Variants in PGPEP1 observed in about 807,000 individuals in gnomAD.
PGPEP1 encodes pyroglutamyl-peptidase 1.
Under a neutral mutation model 24.1 loss-of-function variants are expected in PGPEP1, and 15 were observed. That is an observed-to-expected ratio of 0.62 (90% CI 0.42 to 0.96). The LOEUF (loss-of-function observed/expected upper bound fraction) is 0.96, where lower values mean the gene tolerates loss of function less well. PGPEP1 is among the 40% of genes least tolerant of loss of function. The probability of loss-of-function intolerance (pLI) is 0.00; values close to 1 mark genes in which losing one functional copy is unlikely to be tolerated. For missense variants in PGPEP1, 242 were observed against 273.4 expected, an observed-to-expected ratio of 0.89 and a Z score of 0.81; for synonymous variants, 122 against 116.4, an observed-to-expected ratio of 1.05 and a Z score of -0.31.
chr19:18,363,033 T>TGTGTGTG (rs1971390850), intron 4 of PGPEP1, among the ~76,000 whole-genome samples: 9 of 136,788 alleles, frequency 6.6e-5, no homozygotes, highest in Non-Finnish European at 9.3e-5. Context: ...TTTTTTTTGT[T>TGTGTGTG]TGTGTGTGTG....
intron 2 of PGPEP1, among the ~76,000 whole-genome samples, chr19:18,347,833 C>G (rs1373633389): frequency 6.6e-6 from 1 of 151,940 alleles, no homozygotes; most frequent in Admixed American, 6.6e-5. Context: ...GGGGTTTCAC[C>G]ATATTGGTCA....
Position 18,342,910 on chromosome 19 carries a change from A to C in PGPEP1, c.86A>C (p.Gln29Pro), listed in dbSNP as rs780422255. 12 of 1,612,416 alleles carry C rather than the reference A, an allele frequency of 7.4e-6. No individual in the cohort carries two copies. In the Admixed American group the frequency reaches 1.5e-4, roughly 20 times the overall value. The stretch of plus-strand genomic sequence containing the variant: ...GTGAACGCCAGTTGGATTGCAGTTC[A>C]GGTAACTTAGATCCGGAGGGTGGGA... ...HTVNASWIAV[Q>P]ELEKLGLGDS... The change falls in exon 2 of 5, where the codon CAG (glutamine) becomes CCG (proline). Residue 29 changes from glutamine (Q) to proline (P), a missense_variant and splice_region_variant. Coordinates refer to ENST00000269919, the MANE Select transcript of PGPEP1 (RefSeq NM_017712.4).
chr19:18,354,646 T>TA (rs1971127544), intron 2 of PGPEP1, among the ~76,000 whole-genome samples: 1 of 152,134 alleles, frequency 6.6e-6, no homozygotes, highest in Admixed American at 6.6e-5. Context: ...GCCTCCTGAA[T>TA]AGCTGGGACC....
At position 18,340,613 on chromosome 19, in the gene PGPEP1, G is replaced by GGCTGCAGCGGCAGCA; in HGVS notation, c.-64_-50dup. The GGCTGCAGCGGCAGCA allele has an allele frequency of 7.0e-7, 1 of 1,427,952 alleles. No homozygotes were observed. Among genetic ancestry groups the GGCTGCAGCGGCAGCA allele is most frequent in the Non-Finnish European group, 9.4e-7 (1 of 1,068,142 alleles). 88.5% of individuals were successfully genotyped at this position (1,427,952 alleles called of 1,614,324 possible). A position where few individuals can be genotyped will look rare whatever the true frequency, so the allele number is the denominator to read the frequency against. Reference sequence around the variant, plus strand: ...GGGGCGTGGCCTCGCGCGGCCGAGAGGCTGCAGCGGCAGCAGCTGTCGCGC... The same window carrying GGCTGCAGCGGCAGCA: ...GGGGCGTGGCCTCGCGCGGCCGAGAGGCTGCAGCGGCAGCAGCTGCAGCGGCAGCAGCTGTCGCGC... On this transcript the variant is annotated 5_prime_UTR_variant, in exon 1 of 5. Transcript: ENST00000269919.
Position 18,366,250 on chromosome 19 carries a change from A to C in PGPEP1, c.*2667A>C, listed in dbSNP as rs1378327677. On this transcript the variant is annotated 3_prime_UTR_variant, in exon 5 of 5. Transcript: ENST00000269919. ...GAGCTAAGCACCTGCCCCGGGCTCC[A>C]CACTTCCATCTTTCTTTTGTCTTCA... is the stretch of plus-strand genomic sequence containing the variant. The C allele has an allele frequency of 6.6e-6, 1 of 152,200 alleles. No individual in the cohort carries two copies. The highest frequency in any genetic ancestry group is 6.6e-5 in the Admixed American group (1 of 15,250). The allele number at this position is 152,200 out of a possible 1,614,324, so 9.4% of individuals were successfully genotyped here. A position where few individuals can be genotyped will look rare whatever the true frequency, so the allele number is the denominator to read the frequency against.
chr19:18,342,471 G>A (rs1334647302), intron 1 of PGPEP1, among the ~76,000 whole-genome samples: 1 of 152,184 alleles, frequency 6.6e-6, no homozygotes, highest in African/African-American at 2.4e-5. Flanking sequence ...AGCCTGGAGG[G>A]CTCATTCCTC....
At position 18,342,928 on chromosome 19, in the gene PGPEP1, G is replaced by A. The variant is rs770869637; in HGVS notation, c.87+17G>A. ...GCAGTTCAGGTAACTTAGATCCGGA[G>A]GGTGGGAGTCAGGCTTGGAGCTGGG... On this transcript the variant is annotated intron_variant, in intron 2 of 4. Transcript: ENST00000269919. 1.9e-6 allele frequency: 3 copies of A among 1,606,212 alleles called. No homozygotes were observed. Among genetic ancestry groups the A allele is most frequent in the Non-Finnish European group, 2.6e-6 (3 of 1,172,968 alleles).
chr19:18,368,275 T>C lies in PGPEP1; in HGVS notation c.*4692T>C, dbSNP rs1239900548. The C allele has an allele frequency of 6.6e-6, 1 of 151,746 alleles. No homozygotes were observed. Among genetic ancestry groups the C allele is most frequent in the Admixed American group, 6.6e-5 (1 of 15,212 alleles). 9.4% of individuals were successfully genotyped at this position (151,746 alleles called of 1,614,324 possible). A position where few individuals can be genotyped will look rare whatever the true frequency, so the allele number is the denominator to read the frequency against. On this transcript the variant is annotated 3_prime_UTR_variant, in exon 5 of 5. Coordinates refer to ENST00000269919, the MANE Select transcript of PGPEP1 (RefSeq NM_017712.4). ...CAACATAGCAAAACCCCATCTCTAC[T>C]AAAAATACAAAAATTAGTCAAGAGT...
chr19:18,352,010 G>A (rs12985624), intron 2 of PGPEP1, among the ~76,000 whole-genome samples: 87,883 of 151,394 alleles, frequency 0.58, 26,580 homozygotes, highest in Middle Eastern at 0.74. Context: ...GGTGGCTCAC[G>A]CCTGTAATCC....
At chr19:18,360,209 G>A (rs573811177) in intron 4 of PGPEP1, among the ~76,000 whole-genome samples, 10 of 151,896 alleles carry the variant, frequency 6.6e-5, no homozygotes, top group African/African-American at 2.4e-4. Flanking sequence ...TTGCTACATT[G>A]CCCAGGCAGG....
At chr19:18,359,304 A>T (rs1179355017) in intron 4 of PGPEP1, among the ~76,000 whole-genome samples, 1 of 152,048 alleles carries the variant, frequency 6.6e-6, no homozygotes, top group Non-Finnish European at 1.5e-5. Context: ...CCCATTGCAC[A>T]TAGAATAAAA....
Position 18,342,860 on chromosome 19 carries a change from A to C in PGPEP1, c.36A>C (p.Gly12=), listed in dbSNP as rs775888891. The stretch of plus-strand genomic sequence containing the variant: ...ATATTGCTTTTCCTGTTTTTTCAGG[A>C]TTTGGCCCTTTTGGGGAACACACCG... ...EQPRKAVVVT[G]FGPFGEHTVN... is the part of the protein sequence containing the mutation. Residue 12 remains glycine, a splice_region_variant and synonymous_variant, in exon 2 of 5, where the codon GGA becomes GGC. Transcript: ENST00000269919. 6.2e-7 allele frequency: 1 copy of C among 1,613,126 alleles called. No homozygotes were observed. The highest frequency in any genetic ancestry group is 2.2e-5 in the East Asian group (1 of 44,874).
In PGPEP1 at chr19:18,342,886, T is replaced by C. The variant is rs757743125; in HGVS notation, c.62T>C (p.Val21Ala). 2.5e-6 allele frequency: 4 copies of C among 1,613,824 alleles called. No homozygotes were observed. Among genetic ancestry groups the C allele is most frequent in the Non-Finnish European group, 3.4e-6 (4 of 1,179,852 alleles). ...TTTGGCCCTTTTGGGGAACACACCGTGAACGCCAGTTGGATTGCAGTTCAG... is the reference window on the plus strand; with the variant it reads ...TTTGGCCCTTTTGGGGAACACACCGCGAACGCCAGTTGGATTGCAGTTCAG... ...TGFGPFGEHT[V>A]NASWIAVQEL... The change falls in exon 2 of 5, where the codon GTG (valine) becomes GCG (alanine). Residue 21 changes from valine to alanine, a missense_variant. Val to Ala is a moderately conservative substitution (Grantham distance 64). Coordinates refer to ENST00000269919, the MANE Select transcript of PGPEP1 (RefSeq NM_017712.4).
In PGPEP1 at chr19:18,363,458, G is replaced by A. The variant is rs142770605; in HGVS notation, c.505G>A (p.Val169Met). 8.7e-6 allele frequency: 14 copies of A among 1,613,976 alleles called. No homozygotes were observed. Among genetic ancestry groups the A allele is most frequent in the African/African-American group, 1.3e-5 (1 of 74,918 alleles). The change falls in exon 5 of 5, where the codon GTG (valine) becomes ATG (methionine). Residue 169 changes from valine (V) to methionine (M), a missense_variant. Val to Met is a conservative substitution (Grantham distance 21). Coordinates refer to ENST00000269919, the MANE Select transcript of PGPEP1 (RefSeq NM_017712.4). ...QSHGRSAFVH[V>M]PPLGKPYNAD... ...TCACGGTCGATCAGCCTTCGTCCAC[G>A]TGCCCCCACTGGGGAAGCCGTACAA...
chr19:18,348,542 GC>G (rs1970928620), intron 2 of PGPEP1, among the ~76,000 whole-genome samples: 1 of 152,064 alleles, frequency 6.6e-6, no homozygotes, highest in African/African-American at 2.4e-5. Context: ...GGGGTGCCCT[GC>G]CCCCCTTCTC....
chr19:18,364,123 T>TCTTTCTTTCTTCCTTTCTTC lies in PGPEP1; in HGVS notation c.*547_*548insTCTTCCTTTCTTCCTTTCTT, dbSNP rs1568321189. The stretch of plus-strand genomic sequence containing the variant: ...TTCTTTCTTTCTTTCTTGCTTTCTT[T>TCTTTCTTTCTTCCTTTCTTC]CTTTCTTGCTTTCTTTCTTCTCTCT... On this transcript the variant is annotated 3_prime_UTR_variant, in exon 5 of 5. Coordinates refer to ENST00000269919, the MANE Select transcript of PGPEP1 (RefSeq NM_017712.4). 7.1e-6 allele frequency: 1 copy of TCTTTCTTTCTTCCTTTCTTC among 139,986 alleles called. No homozygotes were observed. Among genetic ancestry groups the TCTTTCTTTCTTCCTTTCTTC allele is most frequent in the African/African-American group, 2.9e-5 (1 of 34,774 alleles). The allele number at this position is 139,986 out of a possible 1,614,324, so 8.7% of individuals were successfully genotyped here.
At chr19:18,352,266 CAAAAAA>C (rs60299417) in intron 2 of PGPEP1, among the ~76,000 whole-genome samples, 3 of 43,666 alleles carry the variant, frequency 6.9e-5, no homozygotes, top group East Asian at 1.2e-3. Flanking sequence ...GACTCCGTCT[CAAAAAA>C]AAAAAAAAAA....
In PGPEP1 at chr19:18,364,079, G is replaced by GTTCTTTCTTTCTTTCTTT. The variant is rs1568320736; in HGVS notation, c.*496_*497insTTCTTTCTTTCTTTCTTT. 3.0e-4 allele frequency: 13 copies of GTTCTTTCTTTCTTTCTTT among 42,952 alleles called. 1 individual carries two copies. The South Asian group carries it at 8.7e-3, about 29-fold the overall frequency. 2.7% of individuals were successfully genotyped at this position (42,952 alleles called of 1,614,324 possible). A position where few individuals can be genotyped will look rare whatever the true frequency, so the allele number is the denominator to read the frequency against. On this transcript the variant is annotated 3_prime_UTR_variant, in exon 5 of 5. Coordinates refer to ENST00000269919, the MANE Select transcript of PGPEP1 (RefSeq NM_017712.4). The stretch of plus-strand genomic sequence containing the variant: ...GGCCACCCTGGGATATGGCTGGCTG[G>GTTCTTTCTTTCTTTCTTT]CTGGCTTTCTTTCTTTCTTTCTTTC...
chr19:18,363,067 G>GTGTGTGTGTGTGTGTT (rs747177888), intron 4 of PGPEP1, among the ~76,000 whole-genome samples: 18 of 146,746 alleles, frequency 1.2e-4, no homozygotes, highest in Non-Finnish European at 2.4e-4. Flanking sequence ...GTGTGTGTGT[G>GTGTGTGTGTGTGTGTT]TTTTAAAGAG....
Sources: gnomAD v4.1 joint callset for allele counts (sites outside exome capture counted in the v4.1 genomes callset) on GRCh38, gnomAD v4.1.1 for gene constraint, MANE v1.5 for transcripts, NCBI Gene and HGNC (gene_info 2026-07-23, HGNC 2026-07-21) for gene names.